ESAM: variants seen among roughly 807,000 people sequenced by gnomAD.
ESAM encodes the protein endothelial cell adhesion molecule, also known as endothelial cell-selective adhesion molecule.
Under a neutral mutation model 31.8 loss-of-function variants are expected in ESAM, and 23 were observed. The observed-to-expected ratio is 0.72, with a 90% CI of 0.52 to 1.03. ESAM has a LOEUF of 1.03. ESAM is among the 50% of genes least tolerant of loss of function. ESAM has a pLI of 0.00. For missense variants in ESAM, 478 were observed against 488.9 expected (o/e 0.98, Z 0.21); for synonymous variants, 216 against 207.2 (o/e 1.04, Z -0.37).
Position 124,753,660 on chromosome 11 carries a change from C to A in ESAM, c.1159G>T (p.Gly387Cys). Residue 387 changes from glycine to cysteine, a missense_variant, in exon 7 of 7, where the codon GGC (glycine) becomes TGC (cysteine). Gly to Cys is a radical substitution (Grantham distance 159). Transcript: ENST00000278927. ...PVMVPAQSQAGSLV is the reference protein window; with the variant it reads ...PVMVPAQSQACSLV ...TGGTGGGGTCATCATACCAGAGAGC[C>A]AGCTTGACTCTGGGCAGGCACCATC... The A allele has an allele frequency of 6.2e-7, 1 of 1,613,716 alleles. No homozygotes were observed. The highest frequency in any genetic ancestry group is 8.5e-7 in the Non-Finnish European group (1 of 1,180,036).
rs544078102 is a variant in ESAM at position 124,755,335 on chromosome 11, T to C, written c.608-572A>G. Among the ~76,000 whole-genome samples, 19 of 151,572 alleles carry C rather than the reference T, an allele frequency of 1.3e-4. No individual in the cohort carries two copies. The South Asian group carries it at 3.9e-3, about 31-fold the overall frequency. On this transcript the variant is annotated intron_variant, in intron 4 of 6. Transcript: ENST00000278927. ...GGGTACAGCACACCAGCATGGCACA[T>C]GTATACATATGTAACTAACCTGCAC... is the stretch of plus-strand genomic sequence containing the variant.
Position 124,756,360 on chromosome 11 carries a change from GA to G in ESAM, c.453del (p.Pro152LeufsTer19), listed in dbSNP as rs1182100109. 2 of 1,601,124 alleles carry G rather than the reference GA, an allele frequency of 1.2e-6. No individual in the cohort carries two copies. Among genetic ancestry groups the G allele is most frequent in the East Asian group, 4.5e-5 (2 of 44,648 alleles). On this transcript the variant is annotated frameshift_variant and splice_region_variant, in exon 4 of 7. Transcript: ENST00000278927. LOFTEE classifies it high-confidence loss of function. Reference protein sequence around the residue: ...SIKTLELNVLVPPAPPSCRLQ... With the variant: ...SIKTLELNVLXPPAPPSCRLQ... ...AGACGGCAGGATGGAGGAGCTGGAG[GA>G]ACTGGGCAGGGGGAGACAGATTAAA... is the stretch of plus-strand genomic sequence containing the variant.
Position 124,753,554 on chromosome 11 carries a change from G to T in ESAM, c.*92C>A. 7.0e-7 allele frequency: 1 copy of T among 1,422,088 alleles called. No homozygotes were observed. Among genetic ancestry groups the T allele is most frequent in the Non-Finnish European group, 9.7e-7 (1 of 1,032,080 alleles). 88.1% of individuals were successfully genotyped at this position (1,422,088 alleles called of 1,614,324 possible). On this transcript the variant is annotated 3_prime_UTR_variant, in exon 7 of 7. Transcript: ENST00000278927. ...GCAGAGTACTAAGGGTCAGGAGTGT[G>T]ACTCTTTCCCATGACTCAGGCCTCT... is the stretch of plus-strand genomic sequence containing the variant.
At chr11:124,758,817 A>C (rs1248174186) in intron 1 of ESAM, among the ~76,000 whole-genome samples, 1 of 152,214 alleles carries the variant, frequency 6.6e-6, no homozygotes, top group African/African-American at 2.4e-5. Flanking sequence ...ATTTCTGAGC[A>C]TCAAAGAGAG....
rs746019317 is a variant in ESAM, at chr11:124,758,442, C to G, written c.156G>C (p.Ala52=). Residue 52 remains alanine, a synonymous_variant, in exon 2 of 7, where the codon GCG becomes GCC. Transcript: ENST00000278927. The part of the protein sequence containing the change: ...AVEGGEVVLP[A]WYTLHGEVSS... Reference sequence around the variant, plus strand: ...ACACCTCCCCGTGCAAGGTGTACCACGCTGGAAGCACCACTTCCCCTCCCT... The same window carrying G: ...ACACCTCCCCGTGCAAGGTGTACCAGGCTGGAAGCACCACTTCCCCTCCCT... 6.2e-7 allele frequency: 1 copy of G among 1,614,030 alleles called. No individual in the cohort carries two copies. The highest frequency in any genetic ancestry group is 1.1e-5 in the South Asian group (1 of 91,080).
chr11:124,754,658 G>C lies in ESAM; in HGVS notation c.713C>G (p.Thr238Arg). The part of the protein sequence containing the change: ...NEVGTAQCNV[T>R]LEVSTGPGAA... The stretch of plus-strand genomic sequence containing the variant: ...TCACTGACCTGTGCTCACTTCCAGC[G>C]TCACATTACATTGGGCAGTGCCCAC... Residue 238 changes from threonine (T) to arginine (R), a missense_variant, in exon 5 of 7, where the codon ACG (threonine) becomes AGG (arginine). Coordinates refer to ENST00000278927, the MANE Select transcript of ESAM (RefSeq NM_138961.3). The surrounding 1 kb of genome is among the most constrained non-coding windows in gnomAD (Gnocchi z 4.5). The C allele has an allele frequency of 6.2e-7, 1 of 1,613,350 alleles. No homozygotes were observed. The highest frequency in any genetic ancestry group is 8.5e-7 in the Non-Finnish European group (1 of 1,179,784).
At position 124,754,633 on chromosome 11, in the gene ESAM, T is replaced by G; in HGVS notation, c.730+8A>C. ...CACTCTTCTTAACCACACTTACCCCTCACTGACCTGTGCTCACTTCCAGCG... is the reference window on the plus strand; with the variant it reads ...CACTCTTCTTAACCACACTTACCCCGCACTGACCTGTGCTCACTTCCAGCG... On this transcript the variant is annotated splice_region_variant and intron_variant, in intron 5 of 6. Coordinates refer to ENST00000278927, the MANE Select transcript of ESAM (RefSeq NM_138961.3). The surrounding 1 kb of genome is among the most constrained non-coding windows in gnomAD (Gnocchi z 4.5). 1 of 1,610,456 alleles carries G rather than the reference T, an allele frequency of 6.2e-7. No individual in the cohort carries two copies. The highest frequency in any genetic ancestry group is 8.5e-7 in the Non-Finnish European group (1 of 1,178,554).
In ESAM at chr11:124,762,159, CTCCCT is replaced by C; in HGVS notation, c.-10_-6del. On this transcript the variant is annotated 5_prime_UTR_variant, in exon 1 of 7. Coordinates refer to ENST00000278927, the MANE Select transcript of ESAM (RefSeq NM_138961.3). The surrounding 1 kb of genome is among the most constrained non-coding windows in gnomAD (Gnocchi z 6.4). ...GGGCCCCGGGAGGGAAATCATGGCCCTCCCTGGCCGGGACGGAGTCAGGGGCGCCA... is the reference window on the plus strand; with the variant it reads ...GGGCCCCGGGAGGGAAATCATGGCCCGGCCGGGACGGAGTCAGGGGCGCCA... 6.2e-7 allele frequency: 1 copy of C among 1,606,888 alleles called. No homozygotes were observed.
In ESAM at chr11:124,753,508, C is replaced by T. The variant is rs1297472156; in HGVS notation, c.*138G>A. The T allele has an allele frequency of 1.1e-6, 1 of 905,440 alleles. No homozygotes were observed. The highest frequency in any genetic ancestry group is 1.6e-6 in the Non-Finnish European group (1 of 610,034). The allele number at this position is 905,440 out of a possible 1,614,324, so 56.1% of individuals were successfully genotyped here. On this transcript the variant is annotated 3_prime_UTR_variant, in exon 7 of 7. Transcript: ENST00000278927. Reference sequence around the variant, plus strand: ...CTTAGGTCTTACTGAGATGGTTTTCCCACAGTAAAGAGAGGTGGGGGCAGA... The same window carrying T: ...CTTAGGTCTTACTGAGATGGTTTTCTCACAGTAAAGAGAGGTGGGGGCAGA...
At chr11:124,761,567 C>T (rs1412020134) in intron 1 of ESAM, among the ~76,000 whole-genome samples, 2 of 152,070 alleles carry the variant, frequency 1.3e-5, no homozygotes, top group African/African-American at 4.8e-5. Context: ...CCCTTGATTC[C>T]CAGGGCAGGA....
intron 3 of ESAM, 45 bp downstream of exon 3, chr11:124,756,496 C>T (rs985379486): frequency 6.2e-7 from 1 of 1,607,544 alleles, no homozygotes; most frequent in Non-Finnish European, 8.5e-7. Context: ...CACCAGACCT[C>T]CCAGTGCAGG....
At chr11:124,756,085 T>A (rs1944149653) in intron 4 of ESAM, 122 bp downstream of exon 4, 1 of 1,287,778 alleles carries the variant, frequency 7.8e-7, no homozygotes, top group Non-Finnish European at 1.1e-6. Flanking sequence ...CCTCCCCACA[T>A]CCTCCTCCTC....
At chr11:124,758,674 A>T (rs763240804) in intron 1 of ESAM, 147 bp from the exon 2 acceptor site, 10 of 839,798 alleles carry the variant, frequency 1.2e-5, no homozygotes, top group Non-Finnish European at 1.8e-5. Flanking sequence ...GGAGGCCTCA[A>T]GGGGTGCCCA....
rs1944235921 is a variant in ESAM, at chr11:124,762,002, C to T, written c.70+83G>A. 2.4e-6 allele frequency: 3 copies of T among 1,252,232 alleles called. No individual in the cohort carries two copies. Among genetic ancestry groups the T allele is most frequent in the Non-Finnish European group, 3.4e-6 (3 of 877,528 alleles). The allele number at this position is 1,252,232 out of a possible 1,614,324, so 77.6% of individuals were successfully genotyped here. ...GGGCGAGTCGTGGGACCCAGTTCCG[C>T]AGCAGTGGCCAAAGTTCTCCCTCAG... On this transcript the variant is annotated intron_variant, in intron 1 of 6. Coordinates refer to ENST00000278927, the MANE Select transcript of ESAM (RefSeq NM_138961.3). This position sits in a 1 kb window ranked among gnomAD's most constrained non-coding sequence, Gnocchi z 6.4.
chr11:124,756,673 G>A lies in ESAM; in HGVS notation c.319C>T (p.Arg107Trp), dbSNP rs61753651. The A allele has an allele frequency of 2.9e-3, 4,651 of 1,614,134 alleles. 13 individuals are homozygous for A. The highest frequency in any genetic ancestry group is 3.5e-3 in the Non-Finnish European group (4,122 of 1,180,032). The change falls in exon 3 of 7, where the codon CGG (arginine) becomes TGG (tryptophan). Residue 107 changes from arginine (R) to tryptophan (W), a missense_variant. Physicochemically the swap from Arg to Trp is moderately radical, Grantham distance 101. Transcript: ENST00000278927. ...CCCTCCAGCCGCAGGGACAGGTTCC[G>A]GGAGGGCATGGAGTAGACCAAGGAT... The part of the protein sequence containing the change: ...GVSLVYSMPS[R>W]NLSLRLEGLQ...
rs1267623081 is a variant in ESAM at position 124,754,892 on chromosome 11, G to A, written c.608-129C>T. On this transcript the variant is annotated intron_variant, in intron 4 of 6. Transcript: ENST00000278927. The surrounding 1 kb of genome is among the most constrained non-coding windows in gnomAD (Gnocchi z 4.5). ...TCACGGCTTGTCTATTCCCTGATGGGGGGAGAGGTGTGACAGCTGGGCTTG... is the reference window on the plus strand; with the variant it reads ...TCACGGCTTGTCTATTCCCTGATGGAGGGAGAGGTGTGACAGCTGGGCTTG... 6 of 1,249,792 alleles carry A rather than the reference G, an allele frequency of 4.8e-6. No homozygotes were observed. Among genetic ancestry groups the A allele is most frequent in the Admixed American group, 2.9e-5 (1 of 34,998 alleles). The allele number at this position is 1,249,792 out of a possible 1,614,324, so 77.4% of individuals were successfully genotyped here.
At position 124,754,349 on chromosome 11, in the gene ESAM, G is replaced by A; in HGVS notation, c.731-9C>T. On this transcript the variant is annotated splice_polypyrimidine_tract_variant and intron_variant, in intron 5 of 6. Coordinates refer to ENST00000278927, the MANE Select transcript of ESAM (RefSeq NM_138961.3). This position sits in a 1 kb window ranked among gnomAD's most constrained non-coding sequence, Gnocchi z 4.5. ...CACTGCAGCTCCAGGCCCTGGAAAA[G>A]GCGTCGTGTCAGAGGAGGACACCCA... 1 of 1,613,684 alleles carries A rather than the reference G, an allele frequency of 6.2e-7. No homozygotes were observed. The highest frequency in any genetic ancestry group is 8.5e-7 in the Non-Finnish European group (1 of 1,179,858).
At chr11:124,755,521 CTG>C (rs1448204631) in intron 4 of ESAM, among the ~76,000 whole-genome samples, 2 of 152,022 alleles carry the variant, frequency 1.3e-5, no homozygotes, top group Non-Finnish European at 2.9e-5. Flanking sequence ...CCCAACAAAC[CTG>C]TGAGGTAATA....
chr11:124,759,813 G>C lies in ESAM; in HGVS notation c.71-1286C>G, dbSNP rs938586499. 6.6e-6 allele frequency among the ~76,000 whole-genome samples: 1 copy of C among 152,202 alleles called. No individual in the cohort carries two copies. Among genetic ancestry groups the C allele is most frequent in the African/African-American group, 2.4e-5 (1 of 41,456 alleles). On this transcript the variant is annotated intron_variant, in intron 1 of 6. Transcript: ENST00000278927. This position sits in a 1 kb window ranked among gnomAD's most constrained non-coding sequence, Gnocchi z 6.8. ...AGTGATAAGGCAGAAGACAATGAAG[G>C]GGGGGCCACTAGACCGGAGGCTCTA...
Sources: gnomAD v4.1 joint callset for allele counts (sites outside exome capture counted in the v4.1 genomes callset) on GRCh38, gnomAD v4.1.1 for gene constraint, Gnocchi (gnomAD v3.1) non-coding constraint, MANE v1.5 for transcripts, NCBI Gene and HGNC (gene_info 2026-07-23, HGNC 2026-07-21) for gene names.